RGS22: variants seen among roughly 807,000 people sequenced by gnomAD.
RGS22 encodes the protein regulator of G-protein signaling 22.
In RGS22, 148 loss-of-function variants were observed where a neutral mutation model predicts 172.9. That is an observed-to-expected ratio of 0.86 (90% CI 0.75 to 0.98). The LOEUF is 0.98. Among genes scored for constraint, RGS22 ranks in the 50% least tolerant of loss-of-function variants. The probability of loss-of-function intolerance (pLI) is 0.00; values close to 1 mark genes in which losing one functional copy is unlikely to be tolerated. For synonymous variants in RGS22, 458 were observed against 480.2 expected (o/e 0.95, Z 0.60); for missense variants, 1,347 against 1,440.8 (o/e 0.93, Z 1.05).
intron 23 of RGS22, among the ~76,000 whole-genome samples, chr8:99,968,141 C>T (rs1388897063): frequency 6.6e-6 from 1 of 152,156 alleles, no homozygotes; most frequent in African/African-American, 2.4e-5. Flanking sequence ...AGAAGAGGGG[C>T]CTGACTGTTG....
chr8:100,087,613 A>T (rs1729766110), intron 3 of RGS22, among the ~76,000 whole-genome samples: 1 of 152,174 alleles, frequency 6.6e-6, no homozygotes, highest in African/African-American at 2.4e-5. Flanking sequence ...TATTTAAATT[A>T]AAAACTAATG....
intron 10 of RGS22, among the ~76,000 whole-genome samples, chr8:100,049,162 G>C (rs1279653709): frequency 6.6e-6 from 1 of 152,164 alleles, no homozygotes; most frequent in Non-Finnish European, 1.5e-5. Flanking sequence ...CTGAGGAAGG[G>C]TCACAGTGGA....
At chr8:99,985,235 A>C (rs1045647748) in intron 21 of RGS22, among the ~76,000 whole-genome samples, 1 of 152,252 alleles carries the variant, frequency 6.6e-6, no homozygotes, top group Non-Finnish European at 1.5e-5. Context: ...TGAGAATCAC[A>C]TCCTTGACCT....
chr8:100,015,940 T>C (rs969771316), intron 14 of RGS22, among the ~76,000 whole-genome samples: 4 of 152,212 alleles, frequency 2.6e-5, no homozygotes, highest in Non-Finnish European at 4.4e-5. Context: ...GGGACAGTCA[T>C]GTGTCCCTAC....
At position 100,105,986 on chromosome 8, in the gene RGS22, C is replaced by T. The variant is rs1304109843; in HGVS notation, c.-65G>A. 5.3e-6 allele frequency: 7 copies of T among 1,322,418 alleles called. No homozygotes were observed. Among genetic ancestry groups the T allele is most frequent in the Non-Finnish European group, 6.7e-6 (7 of 1,040,760 alleles). The allele number at this position is 1,322,418 out of a possible 1,614,324, so 81.9% of individuals were successfully genotyped here. ...TCAGGGCCCTAGCGCGCGGGTCCAGCGCGGGTCAGGGCCTGAGCGACGCGG... is the reference window on the plus strand; with the variant it reads ...TCAGGGCCCTAGCGCGCGGGTCCAGTGCGGGTCAGGGCCTGAGCGACGCGG... On this transcript the variant is annotated 5_prime_UTR_variant, in exon 1 of 28. Coordinates refer to ENST00000360863, the MANE Select transcript of RGS22 (RefSeq NM_015668.5).
intron 7 of RGS22, among the ~76,000 whole-genome samples, chr8:100,065,923 G>C (rs913264550): frequency 3.3e-5 from 5 of 152,096 alleles, no homozygotes; most frequent in Non-Finnish European, 5.9e-5. Flanking sequence ...AAAAGGCAAG[G>C]CTCCCAGAAG....
At chr8:100,025,766 A>G (rs780079864) in intron 14 of RGS22, among the ~76,000 whole-genome samples, 5 of 152,242 alleles carry the variant, frequency 3.3e-5, no homozygotes, top group Admixed American at 6.5e-5. Flanking sequence ...AGTTTTTTCA[A>G]TGGAATTTGT....
chr8:99,996,318 A>C, intron 20 of RGS22, 144 bp downstream of exon 20: 1 of 636,568 alleles, frequency 1.6e-6, no homozygotes, highest in Non-Finnish European at 2.8e-6. Flanking sequence ...TCCATTCATC[A>C]ATTAAAAACA....
At chr8:100,083,115 T>C (rs1313045427) in intron 3 of RGS22, among the ~76,000 whole-genome samples, 1 of 152,140 alleles carries the variant, frequency 6.6e-6, no homozygotes, top group Non-Finnish European at 1.5e-5. Context: ...TACTTCTAAT[T>C]TGTGTTTTAG....
At chr8:100,010,306 T>C (rs1006628151) in intron 14 of RGS22, among the ~76,000 whole-genome samples, 2 of 152,016 alleles carry the variant, frequency 1.3e-5, no homozygotes, top group African/African-American at 4.8e-5. Flanking sequence ...GCCAACATGG[T>C]GAAACCCCAT....
intron 18 of RGS22, among the ~76,000 whole-genome samples, chr8:100,001,202 T>TTATATATATATATATATATACGTA (rs140189906): frequency 8.0e-6 from 1 of 124,780 alleles, no homozygotes; most frequent in African/African-American, 3.1e-5. Flanking sequence ...TCCCAATTTT[T>TTATATATATATATATATATACGTA]TATATATATA....
intron 14 of RGS22, among the ~76,000 whole-genome samples, chr8:100,020,656 T>C (rs1472594899): frequency 1.3e-5 from 2 of 152,214 alleles, no homozygotes; most frequent in Non-Finnish European, 2.9e-5. Flanking sequence ...AGCCGATTCA[T>C]AAACATTCAG....
chr8:99,970,498 G>C (rs1257913792), intron 23 of RGS22, among the ~76,000 whole-genome samples: 1 of 151,968 alleles, frequency 6.6e-6, no homozygotes, highest in Admixed American at 6.6e-5. Context: ...TAATAAAGAA[G>C]AAAAGAGAGA....
chr8:100,105,646 T>C, intron 1 of RGS22: 1 of 582,666 alleles, frequency 1.7e-6, no homozygotes, highest in Non-Finnish European at 3.0e-6. Flanking sequence ...GTTACCCTTC[T>C]TCATAGACGG....
intron 15 of RGS22, among the ~76,000 whole-genome samples, chr8:100,006,389 T>G (rs1258155496): frequency 6.6e-6 from 1 of 152,174 alleles, no homozygotes; most frequent in Non-Finnish European, 1.5e-5. Context: ...TTAGTCACAT[T>G]TCCAGCTTCT....
chr8:100,052,758 T>C (rs1421600403), intron 10 of RGS22, 44 bp downstream of exon 10: 3 of 1,540,218 alleles, frequency 1.9e-6, no homozygotes, highest in Non-Finnish European at 2.7e-6. Context: ...ATACATATTT[T>C]ACTACAAACT....
intron 2 of RGS22, among the ~76,000 whole-genome samples, chr8:100,104,558 G>C (rs2446914): frequency 0.44 from 66,891 of 151,772 alleles, 15,398 homozygotes; most frequent in African/African-American, 0.55. Flanking sequence ...GCGCACACAG[G>C]CTTAGCCCTT....
At chr8:100,100,882 T>TTA (rs1480978085) in intron 2 of RGS22, among the ~76,000 whole-genome samples, 1 of 152,302 alleles carries the variant, frequency 6.6e-6, no homozygotes, top group African/African-American at 2.4e-5. Flanking sequence ...AGGTAGTCTC[T>TTA]TTTTTAACTT....
At chr8:99,986,229 C>A (rs1174254182) in intron 21 of RGS22, among the ~76,000 whole-genome samples, 1 of 149,568 alleles carries the variant, frequency 6.7e-6, no homozygotes, top group Non-Finnish European at 1.5e-5. Context: ...GACCCTGTCT[C>A]AAAAAAAAAT....
Sources: gnomAD v4.1 joint callset for allele counts (sites outside exome capture counted in the v4.1 genomes callset) on GRCh38, gnomAD v4.1.1 for gene constraint, MANE v1.5 for transcripts, NCBI Gene and HGNC (gene_info 2026-07-23, HGNC 2026-07-21) for gene names.